CNKSR2: variants seen among roughly 807,000 people sequenced by gnomAD.
CNKSR2 encodes the protein connector enhancer of kinase suppressor of Ras 2.
In CNKSR2, 14 loss-of-function variants were observed where a neutral mutation model predicts 84.4. The observed-to-expected ratio is 0.17, with a 90% CI of 0.11 to 0.26. The LOEUF (loss-of-function observed/expected upper bound fraction) is 0.26. Ranked by LOEUF, CNKSR2 falls within the 10% of genes least tolerant of loss-of-function variation. The pLI is 1.00. For missense variants in CNKSR2, 485 were observed against 771.2 expected (o/e 0.63, Z 4.40); for synonymous variants, 275 against 277.9 (o/e 0.99, Z 0.10).
chrX:21,375,621 C>T (rs1381903827), intron 1 of CNKSR2, among the ~76,000 whole-genome samples: 3 of 112,252 alleles, frequency 2.7e-5, no homozygotes, highest in South Asian at 7.4e-4. Context: ...CAGCGCATCC[C>T]CTCGCATCCT....
At chrX:21,416,784 G>A (rs775683540) in intron 1 of CNKSR2, among the ~76,000 whole-genome samples, 1 of 110,965 alleles carries the variant, frequency 9.0e-6, no homozygotes, top group South Asian at 3.8e-4. Context: ...TAATGTGTCC[G>A]TTTTTACCTC....
chrX:21,453,089 T>C (rs1601809412), intron 4 of CNKSR2, among the ~76,000 whole-genome samples: 1 of 110,580 alleles, frequency 9.0e-6, no homozygotes, highest in Middle Eastern at 4.6e-3. Flanking sequence ...TTTTATAATT[T>C]GGAAAAAATT....
At chrX:21,497,971 T>A in intron 7 of CNKSR2, 125 bp downstream of exon 7, 1 of 403,218 alleles carries the variant, frequency 2.5e-6, no homozygotes, top group Non-Finnish European at 4.4e-6. Context: ...TAGATACAAT[T>A]TAAAAGAGAT....
chrX:21,575,107 G>C (rs2092310399), intron 13 of CNKSR2, among the ~76,000 whole-genome samples: 1 of 110,972 alleles, frequency 9.0e-6, no homozygotes, highest in Non-Finnish European at 1.9e-5. Flanking sequence ...GGGATCTGTT[G>C]GCCTGTCTTA....
At chrX:21,606,245 T>G (rs777530789) in intron 18 of CNKSR2, among the ~76,000 whole-genome samples, 2 of 112,056 alleles carry the variant, frequency 1.8e-5, no homozygotes, top group South Asian at 7.5e-4. Flanking sequence ...TATGGTGTTA[T>G]AGAGATTCAT....
At chrX:21,601,014 T>G (rs1458615456) in intron 17 of CNKSR2, among the ~76,000 whole-genome samples, 1 of 111,913 alleles carries the variant, frequency 8.9e-6, no homozygotes, top group African/African-American at 3.2e-5. Context: ...TAATATGGCT[T>G]TGGTCATCTC....
chrX:21,524,901 C>T (rs2091819890), intron 9 of CNKSR2, among the ~76,000 whole-genome samples: 1 of 111,238 alleles, frequency 9.0e-6, no homozygotes, highest in Non-Finnish European at 1.9e-5. Context: ...GCTATTAGAG[C>T]ATTTAAAAAG....
intron 1 of CNKSR2, among the ~76,000 whole-genome samples, chrX:21,396,406 T>C (rs943680855): frequency 9.0e-6 from 1 of 111,449 alleles, no homozygotes; most frequent in Non-Finnish European, 1.9e-5. Flanking sequence ...GTAAGTTATA[T>C]CTAGATGTCT....
At position 21,654,272 on chromosome X, in the gene CNKSR2, T is replaced by TTAA. The variant is rs746125707; in HGVS notation, c.*1751_*1752insTAA. ...TTAAATTTGTGGGATTTTGTATATG[T>TTAA]AAAAAAAAAAAAAAAAAAAAAACAA... On this transcript the variant is annotated 3_prime_UTR_variant, in exon 22 of 22. Coordinates refer to ENST00000379510, the MANE Select transcript of CNKSR2 (RefSeq NM_014927.5). 6.5e-5 allele frequency: 4 copies of TTAA among 61,078 alleles called. No individual in the cohort carries two copies. Among genetic ancestry groups the TTAA allele is most frequent in the African/African-American group, 2.5e-4 (4 of 15,833 alleles). The allele number at this position is 61,078 out of a possible 1,213,427, so 5.0% of individuals were successfully genotyped here. A position where few individuals can be genotyped will look rare whatever the true frequency, so the allele number is the denominator to read the frequency against.
chrX:21,398,079 C>A (rs1048045551), intron 1 of CNKSR2, among the ~76,000 whole-genome samples: 1 of 111,161 alleles, frequency 9.0e-6, no homozygotes, highest in African/African-American at 3.3e-5. Flanking sequence ...GTTATAAAGC[C>A]TCAACAATTG....
intron 11 of CNKSR2, among the ~76,000 whole-genome samples, chrX:21,541,898 G>T (rs2091980468): frequency 8.9e-6 from 1 of 111,806 alleles, no homozygotes; most frequent in East Asian, 2.8e-4. Flanking sequence ...CTAGCTAAAT[G>T]TGATGAAAAT....
rs781379864 is a variant in CNKSR2, at chrX:21,485,519, AT to A, written c.562-4937del. ...ATAGAACAGAATACAAAAACTTTGCATTTCAGCCTGAGAATATGATGTATTA... is the reference window on the plus strand; with the variant it reads ...ATAGAACAGAATACAAAAACTTTGCATTCAGCCTGAGAATATGATGTATTA... On this transcript the variant is annotated intron_variant, in intron 5 of 21. Transcript: ENST00000379510. 5.4e-5 allele frequency among the ~76,000 whole-genome samples: 6 copies of A among 111,085 alleles called. No homozygotes were observed. The South Asian group carries it at 2.3e-3, about 42-fold the overall frequency.
intron 5 of CNKSR2, among the ~76,000 whole-genome samples, chrX:21,486,252 G>A (rs919167158): frequency 2.7e-5 from 3 of 112,153 alleles, no homozygotes; most frequent in African/African-American, 9.7e-5. Flanking sequence ...ATTGCTCTAA[G>A]TTTTCCCAGA....
chrX:21,526,903 A>G lies in CNKSR2; in HGVS notation c.994A>G (p.Thr332Ala), dbSNP rs373075473. 1 of 1,203,006 alleles carries G rather than the reference A, an allele frequency of 8.3e-7. No individual in the cohort carries two copies. The highest frequency in any genetic ancestry group is 1.1e-6 in the Non-Finnish European group (1 of 890,424). The change falls in exon 10 of 22, where the codon ACG (threonine) becomes GCG (alanine). Residue 332 changes from threonine to alanine, a missense_variant. Transcript: ENST00000379510. ...IPRSPTSSVA[T>A]PSSTISTPTK... is the part of the protein sequence containing the mutation. Reference sequence around the variant, plus strand: ...TAGAAGTCCCACAAGCAGCGTTGCCACGCCTTCCAGCACCATCAGTACACC... The same window carrying G: ...TAGAAGTCCCACAAGCAGCGTTGCCGCGCCTTCCAGCACCATCAGTACACC...
chrX:21,595,838 G>A (rs1419200620), intron 17 of CNKSR2, among the ~76,000 whole-genome samples: 1 of 111,554 alleles, frequency 9.0e-6, no homozygotes, highest in Admixed American at 9.5e-5. Context: ...CACCTGACAG[G>A]ACCACAACCA....
chrX:21,415,869 C>CATAT (rs764694262), intron 1 of CNKSR2, among the ~76,000 whole-genome samples: 5 of 91,842 alleles, frequency 5.4e-5, no homozygotes, highest in African/African-American at 2.3e-4. Flanking sequence ...CACACACACA[C>CATAT]ACATATATAT....
intron 1 of CNKSR2, among the ~76,000 whole-genome samples, chrX:21,399,861 G>A (rs1419279277): frequency 9.0e-6 from 1 of 111,047 alleles, no homozygotes; most frequent in Non-Finnish European, 1.9e-5. Context: ...TATGAATTTT[G>A]GTATATAATA....
chrX:21,449,977 A>G (rs1352031684), intron 4 of CNKSR2, among the ~76,000 whole-genome samples: 1 of 112,242 alleles, frequency 8.9e-6, no homozygotes, highest in African/African-American at 3.2e-5. Flanking sequence ...GAAGAATTCC[A>G]GTATAACATT....
chrX:21,475,381 T>G (rs758836294), intron 5 of CNKSR2, among the ~76,000 whole-genome samples: 1 of 112,084 alleles, frequency 8.9e-6, no homozygotes, highest in South Asian at 3.7e-4. Context: ...GAGTAAGAGT[T>G]TCAAATGGGT....
Sources: allele counts gnomAD v4.1 joint callset (sites outside exome capture counted in the v4.1 genomes callset), GRCh38; gene constraint gnomAD v4.1.1; transcripts MANE v1.5; gene names NCBI Gene and HGNC (gene_info 2026-07-23, HGNC 2026-07-21).